MOSPD2: variants seen among roughly 807,000 people sequenced by gnomAD.
MOSPD2 encodes motile sperm domain-containing protein 2.
Under a neutral mutation model 41.7 loss-of-function variants are expected in MOSPD2, and 5 were observed. That is an observed-to-expected ratio of 0.12 (90% CI 0.06 to 0.25). MOSPD2 has a LOEUF of 0.25. Among genes scored for constraint, MOSPD2 ranks in the 10% least tolerant of loss-of-function variants. The pLI, the probability that MOSPD2 is intolerant of heterozygous loss-of-function variation, is 1.00. For synonymous variants in MOSPD2, 115 were observed against 126.9 expected (o/e 0.91, Z 0.63); for missense variants, 282 against 375.2 (o/e 0.75, Z 2.05).
chrX:14,892,960 A>G, intron 3 of MOSPD2, 82 bp downstream of exon 3: 1 of 706,446 alleles, frequency 1.4e-6, no homozygotes, highest in Non-Finnish European at 2.1e-6. Flanking sequence ...ATGTATTTGC[A>G]CATATTCCTA....
chrX:14,900,002 T>A (rs1465251945), intron 5 of MOSPD2, among the ~76,000 whole-genome samples: 1 of 111,680 alleles, frequency 9.0e-6, no homozygotes. Context: ...TAATTCTAGG[T>A]CTCTAAATAA....
chrX:14,882,252 T>C, intron 2 of MOSPD2, among the ~76,000 whole-genome samples: 1 of 111,397 alleles, frequency 9.0e-6, no homozygotes, highest in East Asian at 2.8e-4. Context: ...AAATACCACA[T>C]GATCTCACAT....
intron 2 of MOSPD2, among the ~76,000 whole-genome samples, chrX:14,888,373 T>A (rs1392933021): frequency 9.1e-6 from 1 of 110,442 alleles, no homozygotes; most frequent in East Asian, 2.9e-4. Flanking sequence ...GTGATTGAAT[T>A]ATGGGGGCAG....
At chrX:14,890,195 T>TAA (rs759399817) in intron 2 of MOSPD2, among the ~76,000 whole-genome samples, 51 of 104,911 alleles carry the variant, frequency 4.9e-4, no homozygotes, top group African/African-American at 1.6e-3. Flanking sequence ...ACTCTTAGTT[T>TAA]AAAAAAAAAA....
chrX:14,875,648 G>A (rs996068065), intron 2 of MOSPD2, among the ~76,000 whole-genome samples: 1 of 111,499 alleles, frequency 9.0e-6, no homozygotes, highest in South Asian at 3.8e-4. Flanking sequence ...GAAAAACCAC[G>A]ACTAGCCACA....
At chrX:14,877,652 T>C (rs1262093704) in intron 2 of MOSPD2, among the ~76,000 whole-genome samples, 1 of 107,258 alleles carries the variant, frequency 9.3e-6, no homozygotes, top group Non-Finnish European at 1.9e-5. Flanking sequence ...ACAGTCTTTT[T>C]TCTATACACT....
chrX:14,894,676 C>T lies in MOSPD2; in HGVS notation c.236-632C>T, dbSNP rs777097105. Reference sequence around the variant, plus strand: ...CTCACTGTGTTGCCCAGGCTGGTCTCGAACTCCTGGCCTCAAATGATACTC... The same window carrying T: ...CTCACTGTGTTGCCCAGGCTGGTCTTGAACTCCTGGCCTCAAATGATACTC... On this transcript the variant is annotated intron_variant, in intron 3 of 14. Transcript: ENST00000380492. 6.3e-5 allele frequency among the ~76,000 whole-genome samples: 7 copies of T among 110,501 alleles called. No individual in the cohort carries two copies. In the East Asian group the frequency reaches 2.0e-3, roughly 31 times the overall value.
intron 2 of MOSPD2, among the ~76,000 whole-genome samples, chrX:14,878,654 T>C (rs771255425): frequency 8.9e-6 from 1 of 112,023 alleles, no homozygotes; most frequent in East Asian, 2.8e-4. Flanking sequence ...TAAAAGTGAC[T>C]TTCTAGTCTT....
rs757296740 is a variant in MOSPD2 at position 14,920,141 on chromosome X, T to G, written c.*332T>G. On this transcript the variant is annotated 3_prime_UTR_variant, in exon 15 of 15. Coordinates refer to ENST00000380492, the MANE Select transcript of MOSPD2 (RefSeq NM_152581.4). ...AGTTTTATCGTGTAAATACATTAGCTAAACTGAAAAGTATAAGTAACATGC... is the reference window on the plus strand; with the variant it reads ...AGTTTTATCGTGTAAATACATTAGCGAAACTGAAAAGTATAAGTAACATGC... The G allele has an allele frequency of 3.3e-4, 248 of 749,529 alleles. No homozygotes were observed. Among genetic ancestry groups the G allele is most frequent in the Non-Finnish European group, 3.7e-4 (236 of 633,126 alleles). 61.8% of individuals were successfully genotyped at this position (749,529 alleles called of 1,213,427 possible).
intron 10 of MOSPD2, among the ~76,000 whole-genome samples, chrX:14,914,029 G>A (rs2092596170): frequency 8.9e-6 from 1 of 111,786 alleles, no homozygotes; most frequent in Non-Finnish European, 1.9e-5. Flanking sequence ...CTGCTATATA[G>A]TAAGAAATTA....
In MOSPD2 at chrX:14,920,925, T is replaced by TAAAG; in HGVS notation, c.*1119_*1122dup. Reference sequence around the variant, plus strand: ...GACGCCCAGGTGTCAGCTCTCCGTTTAAAGAATGAAAAATGTAACTCATGA... The same window carrying TAAAG: ...GACGCCCAGGTGTCAGCTCTCCGTTTAAAGAAAGAATGAAAAATGTAACTCATGA... On this transcript the variant is annotated 3_prime_UTR_variant, in exon 15 of 15. Transcript: ENST00000380492. 1.3e-6 allele frequency: 1 copy of TAAAG among 754,490 alleles called. No homozygotes were observed. Among genetic ancestry groups the TAAAG allele is most frequent in the Non-Finnish European group, 1.6e-6 (1 of 639,513 alleles). 62.2% of individuals were successfully genotyped at this position (754,490 alleles called of 1,213,427 possible).
chrX:14,905,744 G>A (rs766109626), intron 7 of MOSPD2, among the ~76,000 whole-genome samples: 6 of 110,547 alleles, frequency 5.4e-5, no homozygotes, highest in East Asian at 5.7e-4. Flanking sequence ...TGCCTGCCCC[G>A]CCCTCCCAAA....
intron 2 of MOSPD2, 162 bp downstream of exon 2, chrX:14,873,920 G>A (rs1334077280): frequency 2.0e-6 from 1 of 496,320 alleles, no homozygotes. Context: ...ATGACAAGCC[G>A]TGTGCACTGC....
chrX:14,917,931 G>T (rs2092603066), intron 13 of MOSPD2, among the ~76,000 whole-genome samples: 1 of 112,097 alleles, frequency 8.9e-6, no homozygotes, highest in South Asian at 3.7e-4. Context: ...GGCTGAAAGT[G>T]CGGGGAACCA....
At chrX:14,884,609 C>T (rs1302289702) in intron 2 of MOSPD2, among the ~76,000 whole-genome samples, 2 of 111,228 alleles carry the variant, frequency 1.8e-5, no homozygotes, top group Non-Finnish European at 3.8e-5. Flanking sequence ...TCAATAGTTA[C>T]TATAAATATA....
chrX:14,886,759 C>T (rs988263674), intron 2 of MOSPD2, among the ~76,000 whole-genome samples: 7 of 111,568 alleles, frequency 6.3e-5, no homozygotes, highest in African/African-American at 2.3e-4. Context: ...TGTCAGATCC[C>T]ACCCAGAATT....
In MOSPD2 at chrX:14,915,726, C is replaced by G. The variant is rs766405868; in HGVS notation, c.1148C>G (p.Pro383Arg). The change falls in exon 12 of 15, where the codon CCG (proline) becomes CGG (arginine). Residue 383 changes from proline to arginine, a missense_variant. Physicochemically the swap from Pro to Arg is moderately radical, Grantham distance 103 (BLOSUM62 -2). Around this residue, in one of 3 missense-constraint regions of MOSPD2, gnomAD observed 94 missense variants for 102.1 expected, o/e 0.92. Transcript: ENST00000380492. ...AAGCCAAGCAATAGCAGCTGTGACC[C>G]GGGTGCATCAGTGGATATAGTTGTG... ...RVKPSNSSCD[P>R]GASVDIVVSP... is the part of the protein sequence containing the mutation. 1.7e-6 allele frequency: 2 copies of G among 1,209,089 alleles called. No homozygotes were observed. Among genetic ancestry groups the G allele is most frequent in the South Asian group, 3.5e-5 (2 of 56,871 alleles).
intron 2 of MOSPD2, 106 bp downstream of exon 2, chrX:14,873,864 C>T: frequency 1.5e-6 from 1 of 655,519 alleles, no homozygotes; most frequent in South Asian, 2.3e-5. Flanking sequence ...ACCCTTTCGA[C>T]CCTCACAGGA....
intron 4 of MOSPD2, among the ~76,000 whole-genome samples, chrX:14,896,877 C>T (rs970032564): frequency 1.8e-5 from 2 of 112,572 alleles, no homozygotes; most frequent in Non-Finnish European, 3.7e-5. Flanking sequence ...TTGTTTATTT[C>T]CTAAGGGAAA....
Sources: gnomAD v4.1 joint callset for allele counts (sites outside exome capture counted in the v4.1 genomes callset) on GRCh38, gnomAD v4.1.1 for gene constraint, gnomAD v4.1.1 regional missense constraint, MANE v1.5 for transcripts, NCBI Gene and HGNC (gene_info 2026-07-23, HGNC 2026-07-21) for gene names.